Variants in PHACTR2 observed in about 807,000 individuals in gnomAD.
The protein encoded by PHACTR2 is chromosome 6 open reading frame 56.
A neutral mutation model predicts 76.0 loss-of-function variants in PHACTR2; 30 were observed. The ratio of observed to expected loss-of-function variants is 0.39; its 90% CI spans 0.30 to 0.54. The LOEUF is 0.54. Among genes scored for constraint, PHACTR2 ranks in the 20% least tolerant of loss-of-function variants. The pLI is 0.61. For missense variants in PHACTR2, 696 were observed against 781.1 expected (o/e 0.89, Z 1.30); for synonymous variants, 292 against 292.5 (o/e 1.00, Z 0.02).
chr6:143,686,662 A>G (rs966520043), intron 1 of PHACTR2, among the ~76,000 whole-genome samples: 5 of 151,744 alleles, frequency 3.3e-5, no homozygotes, highest in Admixed American at 1.3e-4. Context: ...TAATTTTTGT[A>G]TTTTAATAGA....
chr6:143,745,753 C>A (rs1445307894), intron 2 of PHACTR2, among the ~76,000 whole-genome samples: 1 of 152,248 alleles, frequency 6.6e-6, no homozygotes, highest in Non-Finnish European at 1.5e-5. Context: ...ACAGAGGTAT[C>A]CGCATTGTGT....
rs142888489 is a variant in PHACTR2, at chr6:143,667,092, A to G, written c.14-44924A>G. Among the ~76,000 whole-genome samples the G allele has an allele frequency of 1.5e-3, 235 of 152,358 alleles. 3 individuals are homozygous for G. The East Asian group carries it at 0.024, about 15-fold the overall frequency. On this transcript the variant is annotated intron_variant, in intron 1 of 11. Transcript: ENST00000305766. ...AAGGGGCCCAGTTTAAGTTTTCTGCATATGGCTAGCCAGTTTTCCCAACAC... is the reference window on the plus strand; with the variant it reads ...AAGGGGCCCAGTTTAAGTTTTCTGCGTATGGCTAGCCAGTTTTCCCAACAC...
In PHACTR2 at chr6:143,741,492, G is replaced by A. The variant is rs117999456; in HGVS notation, c.215-7493G>A. On this transcript the variant is annotated intron_variant, in intron 2 of 12. Transcript: ENST00000440869. The stretch of plus-strand genomic sequence containing the variant: ...TGAGTGACAAAGTGAGATTCCATCT[G>A]AAAACAAAAATAACAATAATAATAA... 2.8e-3 allele frequency among the ~76,000 whole-genome samples: 428 copies of A among 152,200 alleles called. 1 individual carries two copies. Among genetic ancestry groups the A allele is most frequent in the Non-Finnish European group, 5.0e-3 (339 of 68,012 alleles).
rs1303118196 is a variant in PHACTR2, at chr6:143,672,006, T to C, written c.14-40010T>C. Among the ~76,000 whole-genome samples the C allele has an allele frequency of 6.6e-6, 1 of 152,066 alleles. No homozygotes were observed. Among genetic ancestry groups the C allele is most frequent in the Non-Finnish European group, 1.5e-5 (1 of 68,006 alleles). ...ATAATATTATTCCATTTGTAAGAAATTTTAGATAAATCAAAAGTATGGACA... is the reference window on the plus strand; with the variant it reads ...ATAATATTATTCCATTTGTAAGAAACTTTAGATAAATCAAAAGTATGGACA... On this transcript the variant is annotated intron_variant, in intron 1 of 11. Transcript: ENST00000305766. The surrounding 1 kb of genome is among the most constrained non-coding windows in gnomAD (Gnocchi z 5.8).
At position 143,678,316 on chromosome 6, in the gene PHACTR2, C is replaced by T. The variant is rs180873512; in HGVS notation, c.46+107C>T. ...CGTCTGGTCGGGTTCCGCTCGGACC[C>T]GCCAAGTCCCTCGGAGAAACCCCAG... On this transcript the variant is annotated intron_variant, in intron 1 of 12. Transcript: ENST00000440869. The surrounding 1 kb of genome is among the most constrained non-coding windows in gnomAD (Gnocchi z 6.2). 3 of 1,043,944 alleles carry T rather than the reference C, an allele frequency of 2.9e-6. No individual in the cohort carries two copies. Among genetic ancestry groups the T allele is most frequent in the Non-Finnish European group, 3.9e-6 (3 of 772,690 alleles). 64.7% of individuals were successfully genotyped at this position (1,043,944 alleles called of 1,614,324 possible).
chr6:143,604,023 G>A (rs1253679235), upstream of PHACTR2, among the ~76,000 whole-genome samples: 6 of 151,356 alleles, frequency 4.0e-5, no homozygotes, highest in Non-Finnish European at 5.9e-5. Context: ...ACTTGAACCC[G>A]GGAGGCAGAG....
At chr6:143,737,368 C>T (rs1035186615) in intron 2 of PHACTR2, among the ~76,000 whole-genome samples, 10 of 151,824 alleles carry the variant, frequency 6.6e-5, no homozygotes, top group African/African-American at 1.9e-4. Context: ...ACTCTGGGCT[C>T]AAGTGATCCT....
At position 143,755,543 on chromosome 6, in the gene PHACTR2, T is replaced by C; in HGVS notation, c.454+1631T>C. The C allele has an allele frequency of 5.7e-6, 2 of 350,002 alleles. No homozygotes were observed. Among genetic ancestry groups the C allele is most frequent in the Non-Finnish European group, 1.1e-5 (2 of 177,636 alleles). The allele number at this position is 350,002 out of a possible 1,614,324, so 21.7% of individuals were successfully genotyped here. On this transcript the variant is annotated intron_variant, in intron 4 of 12. Coordinates refer to ENST00000440869, the MANE Select transcript of PHACTR2 (RefSeq NM_001100164.2). This position sits in a 1 kb window ranked among gnomAD's most constrained non-coding sequence, Gnocchi z 5.2. ...TGTTCTTGAAAGAAGATAGCAGACC[T>C]TATGGGTCCATGAATAGTTGAGAGA...
Position 143,777,404 on chromosome 6 carries a change from A to G in PHACTR2, c.1645+21A>G, listed in dbSNP as rs375899904. The G allele has an allele frequency of 1.4e-6, 2 of 1,402,778 alleles. No individual in the cohort carries two copies. The highest frequency in any genetic ancestry group is 2.5e-5 in the South Asian group (2 of 81,230). The allele number at this position is 1,402,778 out of a possible 1,614,324, so 86.9% of individuals were successfully genotyped here. A position where few individuals can be genotyped will look rare whatever the true frequency, so the allele number is the denominator to read the frequency against. On this transcript the variant is annotated intron_variant, in intron 9 of 12. Coordinates refer to ENST00000440869, the MANE Select transcript of PHACTR2 (RefSeq NM_001100164.2). The surrounding 1 kb of genome is among the most constrained non-coding windows in gnomAD (Gnocchi z 4.6). The stretch of plus-strand genomic sequence containing the variant: ...AAAACGTGAGTATTCTATACTATAG[A>G]ATGATTCCTTGTGTAATCGCTAACA...
At position 143,710,052 on chromosome 6, in the gene PHACTR2, C is replaced by T. The variant is rs750778839; in HGVS notation, c.47-1964C>T. Among the ~76,000 whole-genome samples the T allele has an allele frequency of 1.6e-4, 24 of 152,102 alleles. No homozygotes were observed. The highest frequency in any genetic ancestry group is 5.8e-4 in the East Asian group (3 of 5,188). Reference sequence around the variant, plus strand: ...TGGTCACAGGTTCTTCTATGGTGCTCGGCTGTAGTAGAGCAGTTATTGTCT... The same window carrying T: ...TGGTCACAGGTTCTTCTATGGTGCTTGGCTGTAGTAGAGCAGTTATTGTCT... On this transcript the variant is annotated intron_variant, in intron 1 of 12. Transcript: ENST00000440869. This position sits in a 1 kb window ranked among gnomAD's most constrained non-coding sequence, Gnocchi z 4.9.
At chr6:143,744,488 T>G (rs184560174) in intron 2 of PHACTR2, among the ~76,000 whole-genome samples, 310 of 152,194 alleles carry the variant, frequency 2.0e-3, no homozygotes, top group Non-Finnish European at 3.5e-3. Context: ...AAAGAAGAGA[T>G]AAAGTTGGGA....
rs945566262 is a variant in PHACTR2 at position 143,558,058 on chromosome 6, C to T, written c.217+20851C>T. On this transcript the variant is annotated intron_variant, in intron 1 of 11. Coordinates refer to the PHACTR2 transcript ENST00000367584. The surrounding 1 kb of genome is among the most constrained non-coding windows in gnomAD (Gnocchi z 4.7). The stretch of plus-strand genomic sequence containing the variant: ...TCTGACGTTCTCCTTGGGTCCATCC[C>T]ACATGCTGCCTGGGAGCTTCTTCCT... 2.6e-5 allele frequency: 4 copies of T among 152,134 alleles called. No individual in the cohort carries two copies. Among genetic ancestry groups the T allele is most frequent in the African/African-American group, 9.7e-5 (4 of 41,410 alleles). 9.4% of individuals were successfully genotyped at this position (152,134 alleles called of 1,614,324 possible).
chr6:143,660,838 G>A (rs546188156), intron 1 of PHACTR2, among the ~76,000 whole-genome samples: 1 of 152,316 alleles, frequency 6.6e-6, no homozygotes, highest in East Asian at 1.9e-4. Context: ...GATATTGAGA[G>A]TTAATCAAGT....
rs548772961 is a variant in PHACTR2 at position 143,719,807 on chromosome 6, T to C, written c.214+7624T>C. On this transcript the variant is annotated intron_variant, in intron 2 of 12. Coordinates refer to ENST00000440869, the MANE Select transcript of PHACTR2 (RefSeq NM_001100164.2). ...CCACAGAGGGCTTCTTGCTTTGTGT[T>C]CGACACTTTTTTTTTTTTTTTTTTT... 4.2e-3 allele frequency among the ~76,000 whole-genome samples: 564 copies of C among 135,488 alleles called. 1 individual carries two copies. The highest frequency in any genetic ancestry group is 6.1e-3 in the Non-Finnish European group (393 of 64,678). 88.9% of individuals were successfully genotyped at this position (135,488 alleles called of 152,430 possible).
chr6:143,684,982 G>A lies in PHACTR2; in HGVS notation c.46+6773G>A, dbSNP rs1777482302. Reference sequence around the variant, plus strand: ...ATTTATAGACTTTCCTTATTTTTATGGTTTCTTACAAATTTGTATATTCAG... The same window carrying A: ...ATTTATAGACTTTCCTTATTTTTATAGTTTCTTACAAATTTGTATATTCAG... On this transcript the variant is annotated intron_variant, in intron 1 of 12. Transcript: ENST00000440869. The surrounding 1 kb of genome is among the most constrained non-coding windows in gnomAD (Gnocchi z 4.3). 6.6e-6 allele frequency among the ~76,000 whole-genome samples: 1 copy of A among 151,632 alleles called. No homozygotes were observed.
chr6:143,803,313 C>T lies in PHACTR2; in HGVS notation c.1846-3744C>T, dbSNP rs150304162. 6.7e-4 allele frequency among the ~76,000 whole-genome samples: 102 copies of T among 152,226 alleles called. 1 individual carries two copies. In the East Asian group the frequency reaches 8.7e-3, roughly 13 times the overall value. On this transcript the variant is annotated intron_variant, in intron 11 of 12. Transcript: ENST00000440869. The surrounding 1 kb of genome is among the most constrained non-coding windows in gnomAD (Gnocchi z 4.7). ...CTGTAGTTCCAGCACTTTGGGAGGC[C>T]GAAGTGGGGAGATTGCTTGAGCCTA...
rs1201859183 is a variant in PHACTR2 at position 143,617,162 on chromosome 6, A to G, written c.13+8840A>G. Among the ~76,000 whole-genome samples, 1 of 152,168 alleles carries G rather than the reference A, an allele frequency of 6.6e-6. No homozygotes were observed. The highest frequency in any genetic ancestry group is 2.4e-5 in the African/African-American group (1 of 41,438). ...GGTGGCAGTGGGGAAGGGGAGAGGA[A>G]ACTTACTTCAATCCCAGCCCTGTGT... is the stretch of plus-strand genomic sequence containing the variant. On this transcript the variant is annotated intron_variant, in intron 1 of 11. Transcript: ENST00000305766. This position sits in a 1 kb window ranked among gnomAD's most constrained non-coding sequence, Gnocchi z 4.8.
At position 143,556,925 on chromosome 6, in the gene PHACTR2, G is replaced by A. The variant is rs2128428391; in HGVS notation, c.217+19718G>A. On this transcript the variant is annotated intron_variant, in intron 1 of 11. Transcript: ENST00000367584. This position sits in a 1 kb window ranked among gnomAD's most constrained non-coding sequence, Gnocchi z 4.3. ...AAAGACGTGAGAAGATATGCTGCCT[G>A]TCTGTCCTCCTCCCTCAGAGAGACC... Among the ~76,000 whole-genome samples the A allele has an allele frequency of 6.6e-6, 1 of 152,316 alleles. No individual in the cohort carries two copies. Among genetic ancestry groups the A allele is most frequent in the South Asian group, 2.1e-4 (1 of 4,820 alleles).
At position 143,753,420 on chromosome 6, in the gene PHACTR2, T is replaced by A. The variant is rs1779229229; in HGVS notation, c.296-334T>A. ...TTCCAGATTATTCCTCTCGCCATTC[T>A]GTTTCTGAATGACAAAGAAACACAT... On this transcript the variant is annotated intron_variant, in intron 3 of 12. Transcript: ENST00000440869. This position sits in a 1 kb window ranked among gnomAD's most constrained non-coding sequence, Gnocchi z 4.6. Among the ~76,000 whole-genome samples the A allele has an allele frequency of 6.6e-6, 1 of 152,232 alleles. No individual in the cohort carries two copies. The highest frequency in any genetic ancestry group is 2.4e-5 in the African/African-American group (1 of 41,460).
Sources: allele counts gnomAD v4.1 joint callset (sites outside exome capture counted in the v4.1 genomes callset), GRCh38; gene constraint gnomAD v4.1.1; non-coding constraint Gnocchi (gnomAD v3.1); transcripts MANE v1.5; gene names NCBI Gene and HGNC (gene_info 2026-07-23, HGNC 2026-07-21).